PANX2: variants seen among roughly 807,000 people sequenced by gnomAD.
The protein encoded by PANX2 is pannexin-2.
PANX2 carries 30 observed loss-of-function variants against 38.7 expected under a neutral mutation model. The ratio of observed to expected loss-of-function variants is 0.78; its 90% CI spans 0.58 to 1.05. PANX2 has a LOEUF of 1.05. Among genes scored for constraint, PANX2 ranks in the 50% least tolerant of loss-of-function variants. The probability of loss-of-function intolerance (pLI) is 0.00; values close to 1 mark genes in which losing one functional copy is unlikely to be tolerated. For synonymous variants in PANX2, 539 were observed against 472.1 expected (o/e 1.14, Z -1.84); for missense variants, 880 against 979.3 (o/e 0.90, Z 1.35).
intron 2 of PANX2, 114 bp from the exon 3 acceptor site, chr22:50,178,820 C>G: frequency 1.1e-6 from 1 of 899,608 alleles, no homozygotes; most frequent in Admixed American, 2.9e-5. Flanking sequence ...CCCAGCGTCT[C>G]CAGGGCGCTT....
In PANX2 at chr22:50,177,000, C is replaced by T. The variant is rs761725284; in HGVS notation, c.288C>T (p.Arg96=). The change falls in exon 2 of 3, where the codon CGC becomes CGT. Residue 96 remains arginine (R), a synonymous_variant. Coordinates refer to ENST00000395842, the MANE Select transcript of PANX2 (RefSeq NM_052839.4). ...CGCGCGACCAGGCGCTGTACGCCCG[C>T]GGCTACTGCTGGACGGAGCTGCGGG... ...NFTRDQALYA[R]GYCWTELRDA... 21 of 1,594,026 alleles carry T rather than the reference C, an allele frequency of 1.3e-5. No homozygotes were observed. In the Admixed American group the frequency reaches 3.7e-4, roughly 28 times the overall value.
chr22:50,175,605 TC>T, intron 1 of PANX2: 1 of 377,564 alleles, frequency 2.6e-6, no homozygotes. Context: ...GGGCCTCAGG[TC>T]CCAGCTTTTC....
At position 50,179,130 on chromosome 22, in the gene PANX2, CACGCTGT is replaced by C; in HGVS notation, c.1891_1897del (p.Leu631ArgfsTer40). 6.2e-7 allele frequency: 1 copy of C among 1,612,290 alleles called. No homozygotes were observed. The highest frequency in any genetic ancestry group is 8.5e-7 in the Non-Finnish European group (1 of 1,179,658). On this transcript the variant is annotated frameshift_variant, in exon 3 of 3. Transcript: ENST00000395842. LOFTEE classifies it high-confidence loss of function. ...CCACACACCCGCTGCTGCACATCAA[CACGCTGT>C]ACGAGGCCCGGGAGGAGGAGGACGG...
At chr22:50,176,917 C>T (rs780499384) in intron 1 of PANX2, 22 bp from the exon 2 acceptor site, 81 of 1,506,780 alleles carry the variant, frequency 5.4e-5, no homozygotes, top group Non-Finnish European at 7.0e-5. Context: ...CGCCCCAGCC[C>T]GTGTCTCCTC....
At position 50,170,958 on chromosome 22, in the gene PANX2, T is replaced by G. The variant is rs747344168; in HGVS notation, c.226+2T>G. 6.7e-7 allele frequency: 1 copy of G among 1,485,840 alleles called. No homozygotes were observed. Among genetic ancestry groups the G allele is most frequent in the Admixed American group, 2.2e-5 (1 of 44,666 alleles). 92.0% of individuals were successfully genotyped at this position (1,485,840 alleles called of 1,614,324 possible). On this transcript the variant is annotated splice_donor_variant, in intron 1 of 2. Transcript: ENST00000395842. LOFTEE classifies it high-confidence loss of function. ...TGGTCTTCACCAAGAACTTCGCAGG[T>G]GAGGCCGGCGGCCGGGGCGCGGGGC...
rs1334473452 is a variant in PANX2 at position 50,177,055 on chromosome 22, T to C, written c.343T>C (p.Trp115Arg). 6.2e-7 allele frequency: 1 copy of C among 1,610,172 alleles called. No homozygotes were observed. Among genetic ancestry groups the C allele is most frequent in the Non-Finnish European group, 8.5e-7 (1 of 1,179,016 alleles). The part of the protein sequence containing the change: ...DALPGVDASL[W>R]PSLFEHKFLP... ...GCTGCCCGGCGTGGACGCCAGCCTGTGGCCGTCGCTGTTTGAGCACAAGTT... is the reference window on the plus strand; with the variant it reads ...GCTGCCCGGCGTGGACGCCAGCCTGCGGCCGTCGCTGTTTGAGCACAAGTT... Residue 115 changes from tryptophan to arginine, a missense_variant, in exon 2 of 3, where the codon TGG becomes CGG. Physicochemically the swap from Trp to Arg is moderately radical, Grantham distance 101. This residue lies in a region of PANX2 where 243 missense variants were observed against 333.1 expected (regional missense o/e 0.73). Transcript: ENST00000395842.
rs1039832212 is a variant in PANX2 at position 50,180,264 on chromosome 22, G to A, written c.*987G>A. 1.3e-5 allele frequency: 2 copies of A among 152,274 alleles called. No individual in the cohort carries two copies. The highest frequency in any genetic ancestry group is 2.1e-4 in the South Asian group (1 of 4,830). The allele number at this position is 152,274 out of a possible 1,614,324, so 9.4% of individuals were successfully genotyped here. A position where few individuals can be genotyped will look rare whatever the true frequency, so the allele number is the denominator to read the frequency against. ...CATGCAGAATTAACAAGGTAGCACC[G>A]AGCATATCAATAAATATTATTCTGA... On this transcript the variant is annotated 3_prime_UTR_variant, in exon 3 of 3. Transcript: ENST00000395842.
rs575149555 is a variant in PANX2, at chr22:50,179,444, G to A, written c.*167G>A. ...CTGGGGCCTTCGCCCCCACGTGCTC[G>A]ACAGGGGAACCCGCCCGGACGGCAT... is the stretch of plus-strand genomic sequence containing the variant. On this transcript the variant is annotated 3_prime_UTR_variant, in exon 3 of 3. Transcript: ENST00000395842. The A allele has an allele frequency of 9.1e-6, 6 of 655,962 alleles. No homozygotes were observed. Among genetic ancestry groups the A allele is most frequent in the African/African-American group, 1.9e-5 (1 of 53,822 alleles). The allele number at this position is 655,962 out of a possible 1,614,324, so 40.6% of individuals were successfully genotyped here.
Position 50,179,472 on chromosome 22 carries a change from C to A in PANX2, c.*195C>A. The A allele has an allele frequency of 1.7e-6, 1 of 575,010 alleles. No individual in the cohort carries two copies. The highest frequency in any genetic ancestry group is 3.1e-5 in the East Asian group (1 of 31,942). 35.6% of individuals were successfully genotyped at this position (575,010 alleles called of 1,614,324 possible). On this transcript the variant is annotated 3_prime_UTR_variant, in exon 3 of 3. Coordinates refer to ENST00000395842, the MANE Select transcript of PANX2 (RefSeq NM_052839.4). ...AGGGGAACCCGCCCGGACGGCATCG[C>A]CAGGCACTGGCTGGGGTGGGGAAAG... is the stretch of plus-strand genomic sequence containing the variant.
In PANX2 at chr22:50,178,964, A is replaced by G; in HGVS notation, c.1721A>G (p.Tyr574Cys). The G allele has an allele frequency of 1.9e-6, 3 of 1,593,570 alleles. No homozygotes were observed. Among genetic ancestry groups the G allele is most frequent in the Non-Finnish European group, 2.6e-6 (3 of 1,168,804 alleles). Residue 574 changes from tyrosine to cysteine, a missense_variant, in exon 3 of 3, where the codon TAC becomes TGC. Coordinates refer to ENST00000395842, the MANE Select transcript of PANX2 (RefSeq NM_052839.4). ...DAPLPEKEIP[Y>C]PTEPARAGLP... is the part of the protein sequence containing the mutation. ...CCGCTCCCCGAGAAGGAAATCCCGTACCCCACAGAGCCAGCCCGGGCAGGG... is the reference window on the plus strand; with the variant it reads ...CCGCTCCCCGAGAAGGAAATCCCGTGCCCCACAGAGCCAGCCCGGGCAGGG...
intron 2 of PANX2, 118 bp from the exon 3 acceptor site, chr22:50,178,816 G>A (rs2063680678): frequency 1.2e-6 from 1 of 848,002 alleles, no homozygotes; most frequent in East Asian, 2.7e-5. Flanking sequence ...CAGGCCCAGC[G>A]TCTCCAGGGC....
intron 1 of PANX2, among the ~76,000 whole-genome samples, chr22:50,174,334 G>A (rs545750994): frequency 3.3e-5 from 5 of 151,994 alleles, no homozygotes; most frequent in Non-Finnish European, 7.4e-5. Flanking sequence ...AACCGAAGAA[G>A]GGCAGGACTG....
intron 1 of PANX2, among the ~76,000 whole-genome samples, chr22:50,172,798 G>A (rs1481135409): frequency 2.7e-5 from 4 of 147,648 alleles, no homozygotes; most frequent in Non-Finnish European, 4.5e-5. Context: ...GTGCGATGTC[G>A]GCTCACTGCG....
At chr22:50,171,990 G>A (rs949643286) in intron 1 of PANX2, among the ~76,000 whole-genome samples, 1 of 152,206 alleles carries the variant, frequency 6.6e-6, no homozygotes, top group Non-Finnish European at 1.5e-5. Context: ...CATTGGCCAG[G>A]CTGTCTGATC....
chr22:50,178,871 T>TG, intron 2 of PANX2, 63 bp from the exon 3 acceptor site: 1 of 1,393,484 alleles, frequency 7.2e-7, no homozygotes, highest in Non-Finnish European at 9.7e-7. Context: ...CTGCACTGGG[T>TG]GGGCGCTGGG....
At position 50,179,610 on chromosome 22, in the gene PANX2, C is replaced by A; in HGVS notation, c.*333C>A. The A allele has an allele frequency of 3.4e-6, 1 of 297,494 alleles. No homozygotes were observed. Among genetic ancestry groups the A allele is most frequent in the Non-Finnish European group, 6.4e-6 (1 of 156,992 alleles). The allele number at this position is 297,494 out of a possible 1,614,324, so 18.4% of individuals were successfully genotyped here. A position where few individuals can be genotyped will look rare whatever the true frequency, so the allele number is the denominator to read the frequency against. ...AGGTGAAGAGTTTATTTTTTTAGTC[C>A]GTTTCGTCCTGGCCCCGGGCTGTGG... On this transcript the variant is annotated 3_prime_UTR_variant, in exon 3 of 3. Coordinates refer to ENST00000395842, the MANE Select transcript of PANX2 (RefSeq NM_052839.4).
intron 1 of PANX2, among the ~76,000 whole-genome samples, chr22:50,174,430 T>C (rs1241686602): frequency 6.6e-6 from 1 of 152,138 alleles, no homozygotes; most frequent in Non-Finnish European, 1.5e-5. Flanking sequence ...TTGGGGTGTA[T>C]TCAGACACCC....
intron 1 of PANX2, among the ~76,000 whole-genome samples, chr22:50,173,088 G>A (rs2063642079): frequency 6.6e-6 from 1 of 152,120 alleles, no homozygotes; most frequent in Admixed American, 6.5e-5. Context: ...AGTAGAGACG[G>A]GGTTTTGCCA....
At position 50,179,158 on chromosome 22, in the gene PANX2, G is replaced by A; in HGVS notation, c.1915G>A (p.Asp639Asn). 6.2e-7 allele frequency: 1 copy of A among 1,612,344 alleles called. No homozygotes were observed. The highest frequency in any genetic ancestry group is 8.5e-7 in the Non-Finnish European group (1 of 1,179,800). The stretch of plus-strand genomic sequence containing the variant: ...GCTGTACGAGGCCCGGGAGGAGGAG[G>A]ACGGGGGCCCCCGCCTGCCGCAGGA... ...NTLYEAREEE[D>N]GGPRLPQDVG... is the part of the protein sequence containing the mutation. The change falls in exon 3 of 3, where the codon GAC becomes AAC. Residue 639 changes from aspartate (D) to asparagine (N), a missense_variant. Physicochemically the swap from Asp to Asn is conservative, Grantham distance 23 (BLOSUM62 1). Around this residue, in one of 4 missense-constraint regions of PANX2, gnomAD observed 445 missense variants for 404.3 expected, o/e 1.10. Coordinates refer to ENST00000395842, the MANE Select transcript of PANX2 (RefSeq NM_052839.4).
Sources: gnomAD v4.1 joint callset for allele counts (sites outside exome capture counted in the v4.1 genomes callset) on GRCh38, gnomAD v4.1.1 for gene constraint, gnomAD v4.1.1 regional missense constraint, MANE v1.5 for transcripts, NCBI Gene and HGNC (gene_info 2026-07-23, HGNC 2026-07-21) for gene names.